The following P3H2 variants were observed in gnomAD, a reference collection of about 807,000 sequenced individuals.
P3H2 encodes the protein prolyl 3-hydroxylase 2, also known as leprecan-like 1.
P3H2 carries 80 observed loss-of-function variants against 87.0 expected under a neutral mutation model. The ratio of observed to expected loss-of-function variants is 0.92; its 90% CI spans 0.77 to 1.11. The LOEUF is 1.11. Ranked by LOEUF, P3H2 falls within the 50% of genes least tolerant of loss-of-function variation. P3H2 has a pLI of 0.00. For synonymous variants in P3H2, 367 were observed against 359.3 expected (o/e 1.02, Z -0.24); for missense variants, 1,001 against 923.9 (o/e 1.08, Z -1.08).
intron 1 of P3H2, among the ~76,000 whole-genome samples, chr3:190,069,853 T>G (rs1560387495): frequency 6.6e-6 from 1 of 152,082 alleles, no homozygotes; most frequent in Non-Finnish European, 1.5e-5. Context: ...GAGTGACATT[T>G]CAGAGCAGTG....
chr3:190,080,602 A>G (rs1187837562), intron 1 of P3H2, among the ~76,000 whole-genome samples: 1 of 151,902 alleles, frequency 6.6e-6, no homozygotes, highest in Non-Finnish European at 1.5e-5. Context: ...GGGTTTTTCC[A>G]TGTTGGTCAG....
intron 1 of P3H2, among the ~76,000 whole-genome samples, chr3:190,029,622 G>A (rs749500647): frequency 1.3e-5 from 2 of 152,000 alleles, no homozygotes; most frequent in Admixed American, 6.6e-5. Context: ...ATTTAACCCT[G>A]TTCTAGAAAT....
intron 1 of P3H2, among the ~76,000 whole-genome samples, chr3:190,066,086 A>G (rs1488458560): frequency 6.6e-6 from 1 of 151,368 alleles, no homozygotes; most frequent in African/African-American, 2.4e-5. Flanking sequence ...TATAATTTCA[A>G]TGTGGAACAG....
intron 1 of P3H2, among the ~76,000 whole-genome samples, chr3:190,066,284 T>C (rs58262385): frequency 0.013 from 1,975 of 151,930 alleles, 39 homozygotes; most frequent in African/African-American, 0.046. Flanking sequence ...CATACATATA[T>C]ATGATGGAAT....
intron 1 of P3H2, among the ~76,000 whole-genome samples, chr3:190,071,476 GT>G (rs1251485335): frequency 6.6e-6 from 1 of 152,278 alleles, no homozygotes; most frequent in Admixed American, 6.5e-5. Context: ...GCAAATATTA[GT>G]TAATAGCCAC....
intron 7 of P3H2, chr3:189,983,411 T>C (rs1380053567): frequency 2.5e-6 from 1 of 402,852 alleles, no homozygotes; most frequent in East Asian, 4.1e-5. Context: ...CAGATTAGAC[T>C]CTAATCTCAA....
chr3:189,962,161 CTTTTTTT>C (rs770628547), intron 14 of P3H2, among the ~76,000 whole-genome samples: 4 of 87,614 alleles, frequency 4.6e-5, no homozygotes, highest in Non-Finnish European at 6.4e-5. Context: ...TCTTCTTCTT[CTTTTTTT>C]TTTTTTTTTT....
At chr3:190,026,000 TTTGA>T (rs1217824536) in intron 1 of P3H2, among the ~76,000 whole-genome samples, 1 of 152,194 alleles carries the variant, frequency 6.6e-6, no homozygotes, top group Non-Finnish European at 1.5e-5. Flanking sequence ...TTTATTTTGA[TTTGA>T]TTTTTTGTTT....
intron 1 of P3H2, among the ~76,000 whole-genome samples, chr3:190,099,262 C>T (rs1042761636): frequency 9.9e-5 from 15 of 152,166 alleles, no homozygotes; most frequent in Non-Finnish European, 2.1e-4. Context: ...TCTGGCAAAA[C>T]TTCATTTTCA....
At chr3:189,995,130 C>A (rs1479007849) in intron 2 of P3H2, among the ~76,000 whole-genome samples, 160 bp downstream of exon 2, 3 of 151,740 alleles carry the variant, frequency 2.0e-5, no homozygotes, top group Admixed American at 2.0e-4. Context: ...TTTTTTCAGA[C>A]CTGATCATTA....
rs1256956930 is a variant in P3H2 at position 190,066,158 on chromosome 3, T to TATATATATACACACACACAC, written c.480+54093_480+54094insGTGTGTGTGTGTATATATAT. On this transcript the variant is annotated intron_variant, in intron 1 of 14. Transcript: ENST00000319332. ...ACTGTGGTGTGTATATATATATATATACACACACACACACACACACATATA... is the reference window on the plus strand; with the variant it reads ...ACTGTGGTGTGTATATATATATATATATATATATACACACACACACACACACACACACACACACACATATA... Among the ~76,000 whole-genome samples, 386 of 134,592 alleles carry TATATATATACACACACACAC rather than the reference T, an allele frequency of 2.9e-3. 11 individuals carry two copies. Among genetic ancestry groups the TATATATATACACACACACAC allele is most frequent in the African/African-American group, 0.011 (356 of 32,202 alleles). 88.3% of individuals were successfully genotyped at this position (134,592 alleles called of 152,430 possible). A position where few individuals can be genotyped will look rare whatever the true frequency, so the allele number is the denominator to read the frequency against.
intron 1 of P3H2, among the ~76,000 whole-genome samples, chr3:190,007,965 C>CACACACACACATATATATATATATAT: frequency 5.6e-4 from 53 of 94,348 alleles, no homozygotes; most frequent in East Asian, 1.9e-3. Context: ...TGTTGACACA[C>CACACACACACATATATATATATATAT]ATATATATAT....
chr3:189,976,508 A>G (rs1383516648), intron 8 of P3H2, among the ~76,000 whole-genome samples: 2 of 152,212 alleles, frequency 1.3e-5, no homozygotes, highest in South Asian at 2.1e-4. Flanking sequence ...TGATTCAACT[A>G]TCTCCACCTG....
At chr3:189,987,423 G>T in intron 5 of P3H2, 104 bp downstream of exon 5, 4 of 1,364,556 alleles carry the variant, frequency 2.9e-6, no homozygotes, top group Non-Finnish European at 4.0e-6. Context: ...AGGTTGCGGT[G>T]AGCCAAGATT....
At chr3:189,987,272 C>T (rs1289914800) in intron 5 of P3H2, among the ~76,000 whole-genome samples, 2 of 151,962 alleles carry the variant, frequency 1.3e-5, no homozygotes, top group African/African-American at 2.4e-5. Context: ...GTCGGGAGTT[C>T]GAGACCAGCC....
Position 189,988,677 on chromosome 3 carries a change from T to C in P3H2, c.955+230A>G, listed in dbSNP as rs575277623. On this transcript the variant is annotated intron_variant, in intron 4 of 14. Transcript: ENST00000319332. ...TCTAAAAAACCATGCAAAATGTCAATCTAGTATAATTTTCAGTAAATTATC... is the reference window on the plus strand; with the variant it reads ...TCTAAAAAACCATGCAAAATGTCAACCTAGTATAATTTTCAGTAAATTATC... Among the ~76,000 whole-genome samples, 75 of 152,266 alleles carry C rather than the reference T, an allele frequency of 4.9e-4. 1 individual carries two copies. In the South Asian group the frequency reaches 9.5e-3, roughly 19 times the overall value.
rs751848270 is a variant in P3H2, at chr3:189,989,024, C to T, written c.838G>A (p.Val280Met). The T allele has an allele frequency of 5.0e-6, 8 of 1,614,072 alleles. No individual in the cohort carries two copies. The highest frequency in any genetic ancestry group is 5.1e-6 in the Non-Finnish European group (6 of 1,180,010). ...ACACATTCATGCTGACAAACAAGCA[C>T]CTGCATGTAGTGATCTGGAAGACAA... ...YEAIADHYMQ[V>M]LVCQHECVRE... Residue 280 changes from valine to methionine, a missense_variant, in exon 4 of 15, where the codon GTG becomes ATG. Coordinates refer to ENST00000319332, the MANE Select transcript of P3H2 (RefSeq NM_018192.4).
chr3:190,025,863 CA>C (rs397877918), intron 1 of P3H2, among the ~76,000 whole-genome samples: 74 of 151,182 alleles, frequency 4.9e-4, no homozygotes, highest in Non-Finnish European at 9.3e-4. Context: ...GACCATGGAC[CA>C]AAAAAAAATT....
chr3:189,968,718 A>G (rs1339786746), intron 13 of P3H2, among the ~76,000 whole-genome samples: 2 of 152,192 alleles, frequency 1.3e-5, no homozygotes, highest in Non-Finnish European at 2.9e-5. Flanking sequence ...CCAACAGTAT[A>G]AAAGCATTCC....
Sources: allele counts gnomAD v4.1 joint callset (sites outside exome capture counted in the v4.1 genomes callset), GRCh38; gene constraint gnomAD v4.1.1; transcripts MANE v1.5; gene names NCBI Gene and HGNC (gene_info 2026-07-23, HGNC 2026-07-21).